Variants in RSPO3 observed in about 807,000 individuals in gnomAD.
RSPO3 encodes the protein R-spondin 3, also known as R-spondin-3.
A neutral mutation model predicts 36.5 loss-of-function variants in RSPO3; 17 were observed. The ratio of observed to expected loss-of-function variants is 0.47; its 90% CI spans 0.32 to 0.70. The LOEUF (loss-of-function observed/expected upper bound fraction) is 0.70, where lower values mean the gene tolerates loss of function less well. RSPO3 is among the 30% of genes least tolerant of loss of function. The probability of loss-of-function intolerance (pLI) is 0.04; values close to 1 mark genes in which losing one functional copy is unlikely to be tolerated. For missense variants in RSPO3, 294 were observed against 322.5 expected (o/e 0.91, Z 0.68); for synonymous variants, 108 against 107.0 (o/e 1.01, Z -0.06).
At chr6:127,136,197 C>T (rs1244876271) in intron 1 of RSPO3, among the ~76,000 whole-genome samples, 1 of 152,100 alleles carries the variant, frequency 6.6e-6, no homozygotes, top group African/African-American at 2.4e-5. Context: ...GATCCTCTGC[C>T]AATCTGATTT....
chr6:127,153,529 G>C (rs931321907), intron 3 of RSPO3, among the ~76,000 whole-genome samples: 4 of 151,898 alleles, frequency 2.6e-5, no homozygotes, highest in African/African-American at 9.7e-5. Flanking sequence ...AACTATCTAA[G>C]GTTGTCCGTA....
chr6:127,153,515 A>T (rs919959808), intron 3 of RSPO3, among the ~76,000 whole-genome samples: 1 of 152,062 alleles, frequency 6.6e-6, no homozygotes, highest in East Asian at 1.9e-4. Flanking sequence ...CCCTCCTCCA[A>T]TGAAACTATC....
chr6:127,126,513 A>G (rs1480912377), intron 1 of RSPO3, among the ~76,000 whole-genome samples: 2 of 152,138 alleles, frequency 1.3e-5, no homozygotes, highest in Non-Finnish European at 2.9e-5. Flanking sequence ...TGGTATCATA[A>G]GCTGTAGTTG....
At chr6:127,190,378 G>A (rs6569475) in intron 4 of RSPO3, among the ~76,000 whole-genome samples, 84,835 of 151,974 alleles carry the variant, frequency 0.56, 23,720 homozygotes, top group African/African-American at 0.61. Context: ...CAGTGAGCCA[G>A]GACTGCGCCA....
intron 4 of RSPO3, among the ~76,000 whole-genome samples, chr6:127,173,406 G>C (rs904812659): frequency 1.3e-5 from 2 of 151,778 alleles, no homozygotes; most frequent in Non-Finnish European, 1.5e-5. Flanking sequence ...CTGTTAAGTG[G>C]TTTGTGCAAT....
intron 4 of RSPO3, among the ~76,000 whole-genome samples, chr6:127,193,370 T>C (rs1051948202): frequency 1.3e-5 from 2 of 152,186 alleles, no homozygotes; most frequent in Non-Finnish European, 2.9e-5. Context: ...AAACAATACA[T>C]TTCTTATGTG....
At chr6:127,153,515 A>G (rs919959808) in intron 3 of RSPO3, among the ~76,000 whole-genome samples, 23 of 152,062 alleles carry the variant, frequency 1.5e-4, no homozygotes, top group African/African-American at 4.6e-4. Context: ...CCCTCCTCCA[A>G]TGAAACTATC....
In RSPO3 at chr6:127,186,656, C is replaced by T. The variant is rs188986532; in HGVS notation, c.635-9167C>T. Among the ~76,000 whole-genome samples the T allele has an allele frequency of 1.1e-4, 17 of 152,146 alleles. No individual in the cohort carries two copies. The East Asian group carries it at 2.7e-3, about 24-fold the overall frequency. Reference sequence around the variant, plus strand: ...TTTTTAAAGCAATCTGTACCATAGGCAGTACTTTAAACTTAGTCATTGATT... The same window carrying T: ...TTTTTAAAGCAATCTGTACCATAGGTAGTACTTTAAACTTAGTCATTGATT... On this transcript the variant is annotated intron_variant, in intron 4 of 4. Coordinates refer to ENST00000356698, the MANE Select transcript of RSPO3 (RefSeq NM_032784.5).
rs1487274748 is a variant in RSPO3, at chr6:127,197,381, T to C, written c.*1374T>C. 1.9e-6 allele frequency: 3 copies of C among 1,548,704 alleles called. No individual in the cohort carries two copies. Among genetic ancestry groups the C allele is most frequent in the African/African-American group, 1.4e-5 (1 of 73,004 alleles). ...GTCAGATCCCCCTGCATCTTCAACATTTAGTCTTTTCTTCTCCATATTTTC... is the reference window on the plus strand; with the variant it reads ...GTCAGATCCCCCTGCATCTTCAACACTTAGTCTTTTCTTCTCCATATTTTC... On this transcript the variant is annotated 3_prime_UTR_variant, in exon 5 of 5. Coordinates refer to ENST00000356698, the MANE Select transcript of RSPO3 (RefSeq NM_032784.5).
chr6:127,141,142 T>C (rs1193866256), intron 1 of RSPO3, among the ~76,000 whole-genome samples: 1 of 152,210 alleles, frequency 6.6e-6, no homozygotes, highest in Non-Finnish European at 1.5e-5. Flanking sequence ...TCACATGAAA[T>C]GTTGAGCACA....
In RSPO3 at chr6:127,198,530, A is replaced by C. The variant is rs1434080494; in HGVS notation, c.*2523A>C. Among the ~76,000 whole-genome samples the C allele has an allele frequency of 6.6e-6, 1 of 152,218 alleles. No homozygotes were observed. Among genetic ancestry groups the C allele is most frequent in the Non-Finnish European group, 1.5e-5 (1 of 68,038 alleles). ...CTCCATAATGGGGTAAACTGTTGAT[A>C]GTTTACCCCATCAACAGATGGTCGG... is the stretch of plus-strand genomic sequence containing the variant. On this transcript the variant is annotated 3_prime_UTR_variant, in exon 5 of 5. Coordinates refer to ENST00000356698, the MANE Select transcript of RSPO3 (RefSeq NM_032784.5).
chr6:127,154,207 A>G (rs1342663248), intron 3 of RSPO3, among the ~76,000 whole-genome samples: 1 of 152,172 alleles, frequency 6.6e-6, no homozygotes, highest in Non-Finnish European at 1.5e-5. Flanking sequence ...ATCAGAAGGC[A>G]ATAAGGGAGG....
At chr6:127,123,118 G>T (rs1773877007) in intron 1 of RSPO3, among the ~76,000 whole-genome samples, 1 of 152,046 alleles carries the variant, frequency 6.6e-6, no homozygotes, top group Non-Finnish European at 1.5e-5. Flanking sequence ...ACAGACTATT[G>T]GAATGTACTG....
intron 1 of RSPO3, among the ~76,000 whole-genome samples, chr6:127,137,930 T>G (rs1774193496): frequency 6.6e-6 from 1 of 152,226 alleles, no homozygotes; most frequent in Admixed American, 6.5e-5. Flanking sequence ...ATCTTTTGTC[T>G]CTCAGTATGA....
At chr6:127,182,942 T>C (rs1405359909) in intron 4 of RSPO3, among the ~76,000 whole-genome samples, 1 of 152,012 alleles carries the variant, frequency 6.6e-6, no homozygotes, top group Non-Finnish European at 1.5e-5. Flanking sequence ...AGAAGATAAT[T>C]AAGGAAGACA....
intron 1 of RSPO3, among the ~76,000 whole-genome samples, chr6:127,122,054 T>A (rs1773856965): frequency 6.6e-6 from 1 of 152,212 alleles, no homozygotes; most frequent in Non-Finnish European, 1.5e-5. Flanking sequence ...ACAAGAACAT[T>A]CATTTGAAGT....
chr6:127,196,101 T>TG lies in RSPO3; in HGVS notation c.*95dup. On this transcript the variant is annotated 3_prime_UTR_variant, in exon 5 of 5. Transcript: ENST00000356698. ...TAGCCATTAGGACCACAAATGGACA[T>TG]GTCAGTTATTGCTCTGTCTAAACAA... The TG allele has an allele frequency of 1.0e-6, 1 of 995,266 alleles. No individual in the cohort carries two copies. The highest frequency in any genetic ancestry group is 1.4e-6 in the Non-Finnish European group (1 of 699,456). 61.7% of individuals were successfully genotyped at this position (995,266 alleles called of 1,614,324 possible). A position where few individuals can be genotyped will look rare whatever the true frequency, so the allele number is the denominator to read the frequency against.
chr6:127,160,007 G>A lies in RSPO3; in HGVS notation c.634+4569G>A, dbSNP rs570110028. Among the ~76,000 whole-genome samples the A allele has an allele frequency of 2.0e-5, 3 of 151,784 alleles. No homozygotes were observed. In the East Asian group the frequency reaches 5.9e-4, roughly 30 times the overall value. ...TTCAATTTAATGTCCTCAGTGGACA[G>A]GACTTCCAGTTGCTGAATCACTATT... On this transcript the variant is annotated intron_variant, in intron 4 of 4. Transcript: ENST00000356698.
chr6:127,165,018 C>T (rs1216646331), intron 4 of RSPO3, among the ~76,000 whole-genome samples: 2 of 151,964 alleles, frequency 1.3e-5, no homozygotes, highest in Admixed American at 6.6e-5. Context: ...TTTACTTTTG[C>T]GTTACATAAA....
Sources: allele counts gnomAD v4.1 joint callset (sites outside exome capture counted in the v4.1 genomes callset), GRCh38; gene constraint gnomAD v4.1.1; transcripts MANE v1.5; gene names NCBI Gene and HGNC (gene_info 2026-07-23, HGNC 2026-07-21).